The following MAPKAP1 variants were observed in gnomAD, a reference collection of about 807,000 sequenced individuals.
The protein encoded by MAPKAP1 is MAPK associated protein 1.
In MAPKAP1, 20 loss-of-function variants were observed where a neutral mutation model predicts 65.7. That is an observed-to-expected ratio of 0.30 (90% CI 0.21 to 0.44). The LOEUF (loss-of-function observed/expected upper bound fraction) is 0.44, where lower values mean the gene tolerates loss of function less well. MAPKAP1 is among the 20% of genes least tolerant of loss of function. The probability of loss-of-function intolerance (pLI) is 1.00; values close to 1 mark genes in which losing one functional copy is unlikely to be tolerated. For missense variants in MAPKAP1, 423 were observed against 648.0 expected (o/e 0.65, Z 3.77); for synonymous variants, 222 against 244.3 (o/e 0.91, Z 0.85).
chr9:125,658,442 C>T (rs1834094961), intron 3 of MAPKAP1, among the ~76,000 whole-genome samples: 1 of 152,206 alleles, frequency 6.6e-6, no homozygotes. Context: ...ATTTAATCCT[C>T]ATAACAAGCC....
chr9:125,667,776 T>C (rs1194462421), intron 3 of MAPKAP1, among the ~76,000 whole-genome samples: 5 of 152,124 alleles, frequency 3.3e-5, no homozygotes, highest in African/African-American at 1.2e-4. Context: ...AAAGGGTGGC[T>C]GGAGAGACAG....
At chr9:125,691,587 G>T (rs1835172082) in intron 1 of MAPKAP1, among the ~76,000 whole-genome samples, 1 of 151,934 alleles carries the variant, frequency 6.6e-6, no homozygotes, top group Non-Finnish European at 1.5e-5. Context: ...ATTTTGCCCA[G>T]GGAGAATATG....
chr9:125,584,770 T>C (rs1055835243), intron 5 of MAPKAP1, among the ~76,000 whole-genome samples: 1 of 152,164 alleles, frequency 6.6e-6, no homozygotes, highest in Non-Finnish European at 1.5e-5. Flanking sequence ...CATTTTGCTG[T>C]GTTCTAAACC....
At chr9:125,639,659 A>G (rs904558312) in intron 4 of MAPKAP1, among the ~76,000 whole-genome samples, 6 of 152,198 alleles carry the variant, frequency 3.9e-5, no homozygotes, top group African/African-American at 1.4e-4. Flanking sequence ...GTGGAAGTAC[A>G]GAGGAGGAGG....
At chr9:125,698,505 C>T (rs1054831179) in intron 1 of MAPKAP1, among the ~76,000 whole-genome samples, 1 of 150,526 alleles carries the variant, frequency 6.6e-6, no homozygotes, top group African/African-American at 2.4e-5. Context: ...CCACGCCTGG[C>T]AAATTTTTGT....
intron 7 of MAPKAP1, among the ~76,000 whole-genome samples, chr9:125,508,172 G>GA (rs971890030): frequency 6.0e-5 from 9 of 150,688 alleles, no homozygotes; most frequent in African/African-American, 9.7e-5. Context: ...TGTCTCTTGG[G>GA]AAAAAAAAAG....
chr9:125,495,637 AC>A (rs1854916247), intron 8 of MAPKAP1, among the ~76,000 whole-genome samples: 1 of 152,250 alleles, frequency 6.6e-6, no homozygotes, highest in Non-Finnish European at 1.5e-5. Flanking sequence ...TAAAACGGAA[AC>A]GGGGGAACTT....
At chr9:125,517,493 G>C (rs1402749948) in intron 7 of MAPKAP1, among the ~76,000 whole-genome samples, 1 of 152,124 alleles carries the variant, frequency 6.6e-6, no homozygotes, top group Admixed American at 6.5e-5. Flanking sequence ...CCCATTTCTA[G>C]TCTTGTTACA....
intron 7 of MAPKAP1, among the ~76,000 whole-genome samples, chr9:125,537,273 T>A (rs1830100086): frequency 6.6e-6 from 1 of 152,240 alleles, no homozygotes; most frequent in Admixed American, 6.5e-5. Flanking sequence ...TCCTTAATTC[T>A]AAGATGCACC....
chr9:125,459,872 A>AGGGAGAGGGAGAG (rs1853414221), intron 10 of MAPKAP1, among the ~76,000 whole-genome samples: 1 of 145,686 alleles, frequency 6.9e-6, no homozygotes, highest in South Asian at 2.2e-4. Flanking sequence ...GGAGAGGGAG[A>AGGGAGAGGGAGAG]GGGACGCATA....
At chr9:125,652,744 C>G (rs1246650417) in intron 4 of MAPKAP1, among the ~76,000 whole-genome samples, 2 of 152,010 alleles carry the variant, frequency 1.3e-5, no homozygotes, top group Non-Finnish European at 2.9e-5. Context: ...ATTTTCTCAC[C>G]AAAAGTTTAA....
chr9:125,624,534 A>G (rs866311605), intron 4 of MAPKAP1, among the ~76,000 whole-genome samples: 485 of 33,242 alleles, frequency 0.015, 2 homozygotes, highest in East Asian at 0.04. Context: ...CCCTCTGCCC[A>G]GCCAGCCGCC....
intron 6 of MAPKAP1, among the ~76,000 whole-genome samples, chr9:125,553,888 G>A (rs780172749): frequency 7.9e-5 from 12 of 151,732 alleles, no homozygotes; most frequent in Non-Finnish European, 1.5e-4. Context: ...AATACAAAAA[G>A]TATTTGGGCA....
chr9:125,448,936 C>T (rs754507925), intron 10 of MAPKAP1, among the ~76,000 whole-genome samples: 10 of 141,830 alleles, frequency 7.1e-5, no homozygotes, highest in South Asian at 6.7e-4. Flanking sequence ...ACCCAGGAGG[C>T]GGAGGTTGCA....
intron 1 of MAPKAP1, among the ~76,000 whole-genome samples, chr9:125,693,306 C>T (rs1835223385): frequency 6.6e-6 from 1 of 151,512 alleles, no homozygotes; most frequent in South Asian, 2.1e-4. Flanking sequence ...CCCAGCTACT[C>T]GGGCAGCTGA....
chr9:125,486,444 A>C (rs1008797694), intron 8 of MAPKAP1, among the ~76,000 whole-genome samples: 13 of 152,166 alleles, frequency 8.5e-5, no homozygotes, highest in Admixed American at 8.5e-4. Context: ...AGGGAAACCT[A>C]GGGAGAACTC....
intron 4 of MAPKAP1, among the ~76,000 whole-genome samples, chr9:125,610,704 C>T (rs1030210295): frequency 2.6e-4 from 40 of 152,162 alleles, no homozygotes; most frequent in Middle Eastern, 3.2e-3. Context: ...TAAACATAAA[C>T]GAACCTTCAT....
At chr9:125,560,200 T>A (rs1259804479) in intron 5 of MAPKAP1, among the ~76,000 whole-genome samples, 3 of 152,006 alleles carry the variant, frequency 2.0e-5, no homozygotes, top group Non-Finnish European at 4.4e-5. Context: ...AATATATATA[T>A]AAAACAGATA....
rs60166871 is a variant in MAPKAP1 at position 125,618,341 on chromosome 9, C to CAAA, written c.499-32617_499-32615dup. On this transcript the variant is annotated intron_variant, in intron 4 of 11. Coordinates refer to ENST00000265960, the MANE Select transcript of MAPKAP1 (RefSeq NM_001006617.3). ...TGGGTGACAGAGTGAGGCTCCGTCTCAAAAAAAAAAAAAAAAAAAAAAAAA... is the reference window on the plus strand; with the variant it reads ...TGGGTGACAGAGTGAGGCTCCGTCTCAAAAAAAAAAAAAAAAAAAAAAAAAAAA... 8.4e-3 allele frequency among the ~76,000 whole-genome samples: 263 copies of CAAA among 31,230 alleles called. 53 individuals carry two copies. Among genetic ancestry groups the CAAA allele is most frequent in the African/African-American group, 0.033 (234 of 6,988 alleles). 20.5% of individuals were successfully genotyped at this position (31,230 alleles called of 152,430 possible).
Sources: allele counts gnomAD v4.1 joint callset (sites outside exome capture counted in the v4.1 genomes callset), GRCh38; gene constraint gnomAD v4.1.1; transcripts MANE v1.5; gene names NCBI Gene and HGNC (gene_info 2026-07-23, HGNC 2026-07-21).